The following SLC41A2 variants were observed in gnomAD, a reference collection of about 807,000 sequenced individuals.
SLC41A2 encodes SLC41A1-like 1.
SLC41A2 carries 32 observed loss-of-function variants against 58.3 expected under a neutral mutation model. The ratio of observed to expected loss-of-function variants is 0.55; its 90% CI spans 0.41 to 0.74. The LOEUF is 0.74. Ranked by LOEUF, SLC41A2 falls within the 30% of genes least tolerant of loss-of-function variation. SLC41A2 has a pLI of 0.00. For missense variants in SLC41A2, 514 were observed against 680.6 expected (o/e 0.76, Z 2.72); for synonymous variants, 190 against 235.0 (o/e 0.81, Z 1.75).
At position 104,886,371 on chromosome 12, in the gene SLC41A2, G is replaced by C; in HGVS notation, c.949C>G (p.Pro317Ala). The C allele has an allele frequency of 6.2e-7, 1 of 1,613,592 alleles. No individual in the cohort carries two copies. The highest frequency in any genetic ancestry group is 8.5e-7 in the Non-Finnish European group (1 of 1,179,614). Residue 317 changes from proline (P) to alanine (A), a missense_variant, in exon 6 of 11, where the codon CCC (proline) becomes GCC (alanine). Transcript: ENST00000258538. ...TGINPDNVAT[P>A]IAASFGDLIT... ...AGGTCGCCAAAACTAGCAGCAATGG[G>C]TGTAGCAACATTATCAGGATTTATA...
At chr12:104,880,831 A>T (rs2044329369) in intron 6 of SLC41A2, among the ~76,000 whole-genome samples, 1 of 152,190 alleles carries the variant, frequency 6.6e-6, no homozygotes, top group African/African-American at 2.4e-5. Flanking sequence ...CTGGCCTCAT[A>T]AAATGAGTTA....
At chr12:104,844,937 C>A (rs1056115671) in intron 9 of SLC41A2, among the ~76,000 whole-genome samples, 2 of 147,928 alleles carry the variant, frequency 1.4e-5, no homozygotes, top group Non-Finnish European at 3.0e-5. Flanking sequence ...TTATTAATTT[C>A]TTTAGAATTC....
chr12:104,899,752 A>G (rs1229021136), intron 3 of SLC41A2, among the ~76,000 whole-genome samples: 1 of 152,210 alleles, frequency 6.6e-6, no homozygotes, highest in Non-Finnish European at 1.5e-5. Flanking sequence ...CCAAGCCACT[A>G]AAACTTCAAC....
chr12:104,811,842 G>A (rs776723627), intron 10 of SLC41A2, among the ~76,000 whole-genome samples: 12 of 152,230 alleles, frequency 7.9e-5, no homozygotes, highest in Non-Finnish European at 1.2e-4. Flanking sequence ...GGACTTGGAA[G>A]TATTAGATGG....
intron 8 of SLC41A2, among the ~76,000 whole-genome samples, chr12:104,853,054 A>G (rs1204742875): frequency 2.6e-5 from 4 of 152,220 alleles, no homozygotes; most frequent in Non-Finnish European, 5.9e-5. Flanking sequence ...ATTCCTCAGT[A>G]TCCACAAGAC....
chr12:104,940,520 T>C lies in SLC41A2; in HGVS notation c.-167-11826A>G, dbSNP rs76931339. On this transcript the variant is annotated intron_variant, in intron 1 of 10. Transcript: ENST00000258538. ...AATAAAAAACAAAAAAATAAAAAAATAAAATATAAGCTAAAAAAAAAAAAG... is the reference window on the plus strand; with the variant it reads ...AATAAAAAACAAAAAAATAAAAAAACAAAATATAAGCTAAAAAAAAAAAAG... Among the ~76,000 whole-genome samples, 4 of 96,492 alleles carry C rather than the reference T, an allele frequency of 4.1e-5. No homozygotes were observed. The East Asian group carries it at 1.0e-3, about 25-fold the overall frequency. 63.3% of individuals were successfully genotyped at this position (96,492 alleles called of 152,430 possible).
intron 10 of SLC41A2, among the ~76,000 whole-genome samples, chr12:104,835,929 C>T (rs1052793297): frequency 6.6e-6 from 1 of 152,094 alleles, no homozygotes; most frequent in Admixed American, 6.5e-5. Flanking sequence ...CTGCAACCTC[C>T]GCCTCCTGGG....
At chr12:104,886,766 G>T (rs1423947113) in intron 5 of SLC41A2, among the ~76,000 whole-genome samples, 2 of 151,610 alleles carry the variant, frequency 1.3e-5, no homozygotes, top group African/African-American at 4.8e-5. Flanking sequence ...GAATCCAAAG[G>T]TTTTAATTTT....
chr12:104,822,808 TA>T (rs879525763), intron 10 of SLC41A2, among the ~76,000 whole-genome samples: 1 of 150,704 alleles, frequency 6.6e-6, no homozygotes, highest in Admixed American at 6.6e-5. Context: ...TAATTGCAGG[TA>T]AAAAAAAATC....
At chr12:104,882,034 T>G (rs769907428) in intron 6 of SLC41A2, among the ~76,000 whole-genome samples, 1 of 152,238 alleles carries the variant, frequency 6.6e-6, no homozygotes, top group Non-Finnish European at 1.5e-5. Flanking sequence ...GACTGTAAGC[T>G]CTTCTTGTTG....
At chr12:104,899,058 T>A (rs1327624878) in intron 3 of SLC41A2, among the ~76,000 whole-genome samples, 1 of 152,192 alleles carries the variant, frequency 6.6e-6, no homozygotes, top group Non-Finnish European at 1.5e-5. Flanking sequence ...GTTACTAGAT[T>A]AGTTGACCTG....
At chr12:104,815,173 CTGTG>C (rs1208503006) in intron 10 of SLC41A2, among the ~76,000 whole-genome samples, 3 of 152,184 alleles carry the variant, frequency 2.0e-5, no homozygotes, top group Non-Finnish European at 2.9e-5. Flanking sequence ...CCTTGGAACT[CTGTG>C]TGTAATAAAT....
At chr12:104,935,640 A>T (rs183534301) in intron 1 of SLC41A2, among the ~76,000 whole-genome samples, 19 of 152,324 alleles carry the variant, frequency 1.2e-4, no homozygotes, top group Non-Finnish European at 2.2e-4. Context: ...CAGGCAAACA[A>T]CACAAAGGCC....
At chr12:104,852,655 A>G (rs1234667637) in intron 8 of SLC41A2, among the ~76,000 whole-genome samples, 1 of 152,208 alleles carries the variant, frequency 6.6e-6, no homozygotes, top group Non-Finnish European at 1.5e-5. Context: ...AACTAAAAAG[A>G]AAATGAGTGA....
chr12:104,897,144 CTTT>C (rs71440558), intron 3 of SLC41A2, among the ~76,000 whole-genome samples: 3 of 120,288 alleles, frequency 2.5e-5, no homozygotes, highest in African/African-American at 6.4e-5. Flanking sequence ...TTTCTTTTTT[CTTT>C]TTTTTTTTTT....
Position 104,803,556 on chromosome 12 carries a change from C to T in SLC41A2, c.*1596G>A, listed in dbSNP as rs2040771522. On this transcript the variant is annotated 3_prime_UTR_variant, in exon 11 of 11. Coordinates refer to ENST00000258538, the MANE Select transcript of SLC41A2 (RefSeq NM_001352171.3). ...TTTATATAATAACACAAAGTTACAA[C>T]TTAAATCATGATGATCAAAGTTAAT... 1 of 152,098 alleles carries T rather than the reference C, an allele frequency of 6.6e-6. No homozygotes were observed. The highest frequency in any genetic ancestry group is 1.5e-5 in the Non-Finnish European group (1 of 68,012). 9.4% of individuals were successfully genotyped at this position (152,098 alleles called of 1,614,324 possible).
At position 104,928,571 on chromosome 12, in the gene SLC41A2, CG is replaced by C; in HGVS notation, c.-45del. 1.6e-6 allele frequency: 2 copies of C among 1,289,080 alleles called. No homozygotes were observed. Among genetic ancestry groups the C allele is most frequent in the South Asian group, 2.0e-5 (1 of 49,326 alleles). The allele number at this position is 1,289,080 out of a possible 1,614,324, so 79.9% of individuals were successfully genotyped here. A position where few individuals can be genotyped will look rare whatever the true frequency, so the allele number is the denominator to read the frequency against. ...CCTGTACTCCTTAGATCTCAAGCTT[CG>C]GGAACCACAGCAGATGAATCAGAAC... is the stretch of plus-strand genomic sequence containing the variant. On this transcript the variant is annotated 5_prime_UTR_variant, in exon 2 of 11. Transcript: ENST00000258538.
intron 2 of SLC41A2, among the ~76,000 whole-genome samples, chr12:104,919,947 C>T (rs1024047362): frequency 2.6e-5 from 4 of 152,108 alleles, no homozygotes; most frequent in Non-Finnish European, 5.9e-5. Context: ...TTATCATTTA[C>T]ATTTCATATT....
At chr12:104,931,780 T>C (rs2135903048) in intron 1 of SLC41A2, 1 of 152,346 alleles carries the variant, frequency 6.6e-6, no homozygotes, top group Middle Eastern at 3.4e-3. Flanking sequence ...GCCGTCTACA[T>C]GAGAAGAGGA....
Sources: gnomAD v4.1 joint callset for allele counts (sites outside exome capture counted in the v4.1 genomes callset) on GRCh38, gnomAD v4.1.1 for gene constraint, MANE v1.5 for transcripts, NCBI Gene and HGNC (gene_info 2026-07-23, HGNC 2026-07-21) for gene names.